TMED3: variants seen among roughly 807,000 people sequenced by gnomAD.
The protein encoded by TMED3 is transmembrane emp24 domain-containing protein 3.
A neutral mutation model predicts 15.0 loss-of-function variants in TMED3; 9 were observed. The ratio of observed to expected loss-of-function variants is 0.60; its 90% CI spans 0.36 to 1.04. The LOEUF is 1.04. Ranked by LOEUF, TMED3 falls within the 50% of genes least tolerant of loss-of-function variation. TMED3 has a pLI of 0.01. For missense variants in TMED3, 267 were observed against 278.9 expected (o/e 0.96, Z 0.30); for synonymous variants, 117 against 121.4 (o/e 0.96, Z 0.24).
chr15:79,331,501 T>C (rs1001524916), intron 2 of TMED3, among the ~76,000 whole-genome samples: 1 of 130,248 alleles, frequency 7.7e-6, no homozygotes, highest in African/African-American at 2.9e-5. Flanking sequence ...GTCTGGGAAA[T>C]GATTTTATAA....
rs184297233 is a variant in TMED3, at chr15:79,383,527, T to G, written c.418-27873T>G. 1.0e-3 allele frequency: 158 copies of G among 154,576 alleles called. 1 individual carries two copies. Among genetic ancestry groups the G allele is most frequent in the Non-Finnish European group, 1.9e-3 (133 of 69,390 alleles). The allele number at this position is 154,576 out of a possible 1,614,324, so 9.6% of individuals were successfully genotyped here. A position where few individuals can be genotyped will look rare whatever the true frequency, so the allele number is the denominator to read the frequency against. On this transcript the variant is annotated intron_variant, in intron 2 of 2. Transcript: ENST00000424155. ...GGTAAAGTCTAGGAGAGACCAGGAA[T>G]GGAGCTTCCCACTTGTCGCTCCCCA...
chr15:79,393,970 TACA>T (rs1179255772), intron 2 of TMED3, among the ~76,000 whole-genome samples: 1 of 149,054 alleles, frequency 6.7e-6, no homozygotes, highest in Non-Finnish European at 1.5e-5. Context: ...ATGTTGGGAT[TACA>T]TGCATGAGAC....
chr15:79,405,899 CT>C (rs1025208199), intron 2 of TMED3, among the ~76,000 whole-genome samples: 1 of 152,176 alleles, frequency 6.6e-6, no homozygotes, highest in Non-Finnish European at 1.5e-5. Flanking sequence ...AGGTGAGCTG[CT>C]TTTTATTCTC....
chr15:79,403,345 C>T (rs1392703678), intron 2 of TMED3, among the ~76,000 whole-genome samples: 1 of 151,980 alleles, frequency 6.6e-6, no homozygotes, highest in Non-Finnish European at 1.5e-5. Context: ...TTTTATCTCC[C>T]CTTCCAGAAT....
At chr15:79,327,075 C>T (rs1229389612), downstream of TMED3, among the ~76,000 whole-genome samples, 1 of 152,142 alleles carries the variant, frequency 6.6e-6, no homozygotes, top group Non-Finnish European at 1.5e-5. Context: ...TAAGAGCTCA[C>T]TCACTACAGC....
At chr15:79,362,868 T>C (rs538846826) in intron 2 of TMED3, among the ~76,000 whole-genome samples, 6 of 152,360 alleles carry the variant, frequency 3.9e-5, no homozygotes, top group African/African-American at 1.4e-4. Flanking sequence ...TTACCCAGTC[T>C]CAGGTATATC....
At chr15:79,325,813 A>G (rs560597656), downstream of TMED3, among the ~76,000 whole-genome samples, 7 of 152,360 alleles carry the variant, frequency 4.6e-5, no homozygotes, top group African/African-American at 1.7e-4. Context: ...GTCCAAGGGC[A>G]GGAAACATCC....
chr15:79,311,781 C>CT (rs2058716020), intron 1 of TMED3, among the ~76,000 whole-genome samples: 1 of 152,180 alleles, frequency 6.6e-6, no homozygotes, highest in Admixed American at 6.5e-5. Context: ...ACCCCAGTCT[C>CT]TTAGACCACC....
chr15:79,392,570 T>C (rs1381263597), intron 2 of TMED3, among the ~76,000 whole-genome samples: 2 of 152,204 alleles, frequency 1.3e-5, no homozygotes, highest in Non-Finnish European at 2.9e-5. Context: ...CTGATGACGA[T>C]GTGCCCAGGC....
At chr15:79,403,293 C>T (rs1893860312) in intron 2 of TMED3, among the ~76,000 whole-genome samples, 7 of 149,676 alleles carry the variant, frequency 4.7e-5, no homozygotes, top group Admixed American at 4.7e-4. Flanking sequence ...AGCTACAGTC[C>T]TTGCTGCTAT....
rs528965746 is a variant in TMED3 at position 79,322,355 on chromosome 15, G to C, written c.*141G>C. The C allele has an allele frequency of 1.3e-5, 19 of 1,473,354 alleles. No homozygotes were observed. In the East Asian group the frequency reaches 3.8e-4, roughly 29 times the overall value. 91.3% of individuals were successfully genotyped at this position (1,473,354 alleles called of 1,614,324 possible). A position where few individuals can be genotyped will look rare whatever the true frequency, so the allele number is the denominator to read the frequency against. Reference sequence around the variant, plus strand: ...GTAGCCCTTTGCCTTTCATGCCCATGCTTGATTCTTGCACCTCAGCAGCTG... The same window carrying C: ...GTAGCCCTTTGCCTTTCATGCCCATCCTTGATTCTTGCACCTCAGCAGCTG... On this transcript the variant is annotated 3_prime_UTR_variant, in exon 3 of 3. Transcript: ENST00000299705.
At chr15:79,353,368 TATATA>T (rs2058905305) in intron 2 of TMED3, among the ~76,000 whole-genome samples, 2 of 118,894 alleles carry the variant, frequency 1.7e-5, no homozygotes, top group Non-Finnish European at 3.3e-5. Flanking sequence ...ATATAAAATA[TATATA>T]ATATATATAA....
At chr15:79,368,642 G>A (rs981377092) in intron 2 of TMED3, among the ~76,000 whole-genome samples, 2 of 152,152 alleles carry the variant, frequency 1.3e-5, no homozygotes, top group African/African-American at 4.8e-5. Context: ...ACTAGGTGAG[G>A]CCAAAACTGT....
chr15:79,344,246 C>T (rs886199853), intron 2 of TMED3, among the ~76,000 whole-genome samples: 11 of 152,200 alleles, frequency 7.2e-5, no homozygotes, highest in Non-Finnish European at 1.5e-5. Context: ...AGGAGTGAGC[C>T]TCGGTGTCAA....
intron 2 of TMED3, among the ~76,000 whole-genome samples, chr15:79,364,206 T>C (rs1893185228): frequency 6.6e-6 from 1 of 152,200 alleles, no homozygotes; most frequent in African/African-American, 2.4e-5. Flanking sequence ...CTGGGTTCCC[T>C]ATTTGTATAA....
chr15:79,386,905 T>G (rs1447716309), intron 2 of TMED3, among the ~76,000 whole-genome samples: 1 of 151,476 alleles, frequency 6.6e-6, no homozygotes, highest in Admixed American at 6.6e-5. Context: ...AACACTTTTC[T>G]TTTCTTTCTT....
At chr15:79,377,856 C>T (rs1480904735) in intron 2 of TMED3, among the ~76,000 whole-genome samples, 1 of 151,970 alleles carries the variant, frequency 6.6e-6, no homozygotes, top group East Asian at 1.9e-4. Flanking sequence ...CCGTGTTAGC[C>T]AGGATGGTCT....
At chr15:79,380,471 ATATAGTTATATATAGT>A (rs1457313424) in intron 2 of TMED3, among the ~76,000 whole-genome samples, 16 of 147,426 alleles carry the variant, frequency 1.1e-4, no homozygotes, top group South Asian at 2.1e-4. Context: ...ATATGGTTAT[ATATAGTTATATATAGT>A]TATAGTTATA....
At chr15:79,410,240 C>T (rs1893956367) in intron 2 of TMED3, among the ~76,000 whole-genome samples, 1 of 151,972 alleles carries the variant, frequency 6.6e-6, no homozygotes, top group African/African-American at 2.4e-5. Flanking sequence ...GTTAAATAAA[C>T]AAGACATTAA....
Sources: gnomAD v4.1 joint callset for allele counts (sites outside exome capture counted in the v4.1 genomes callset) on GRCh38, gnomAD v4.1.1 for gene constraint, MANE v1.5 for transcripts, NCBI Gene and HGNC (gene_info 2026-07-23, HGNC 2026-07-21) for gene names.